SLC35E2B: variants seen among roughly 807,000 people sequenced by gnomAD.
SLC35E2B encodes the protein solute carrier family 35 member E2B, also known as solute carrier family 35, member E2B.
In SLC35E2B, 18 loss-of-function variants were observed where a neutral mutation model predicts 32.4. The observed-to-expected ratio is 0.56, with a 90% CI of 0.38 to 0.82. The LOEUF is 0.82. Among genes scored for constraint, SLC35E2B ranks in the 40% least tolerant of loss-of-function variants. The probability of loss-of-function intolerance (pLI) is 0.00; values close to 1 mark genes in which losing one functional copy is unlikely to be tolerated. For synonymous variants in SLC35E2B, 132 were observed against 209.1 expected (o/e 0.63, Z 3.18); for missense variants, 263 against 469.5 (o/e 0.56, Z 4.06).
chr1:1,679,833 A>AT lies in SLC35E2B; in HGVS notation c.-147-2988_-147-2987insA, dbSNP rs1643885049. 4.2e-5 allele frequency among the ~76,000 whole-genome samples: 6 copies of AT among 144,044 alleles called. 1 individual carries two copies. In the South Asian group the frequency reaches 1.3e-3, roughly 31 times the overall value. The allele number at this position is 144,044 out of a possible 152,430, so 94.5% of individuals were successfully genotyped here. A position where few individuals can be genotyped will look rare whatever the true frequency, so the allele number is the denominator to read the frequency against. On this transcript the variant is annotated intron_variant, in intron 2 of 9. Transcript: ENST00000617444. Reference sequence around the variant, plus strand: ...AGCAACAGAGCGAGACTCCCGTCAAAAAAAAAAAAAAAAAAAATGCTGGGC... The same window carrying AT: ...AGCAACAGAGCGAGACTCCCGTCAAATAAAAAAAAAAAAAAAAATGCTGGGC...
Position 1,665,273 on chromosome 1 carries a change from G to T in SLC35E2B, c.*509C>A, listed in dbSNP as rs1311089528. 7.3e-6 allele frequency: 2 copies of T among 272,894 alleles called. No individual in the cohort carries two copies. The highest frequency in any genetic ancestry group is 6.4e-5 in the East Asian group (1 of 15,572). The allele number at this position is 272,894 out of a possible 1,614,324, so 16.9% of individuals were successfully genotyped here. Reference sequence around the variant, plus strand: ...GAAGTTCTGAGTGCCCACCGTGGCAGCAGGAGACCCTTCCTTCCAGGGCCC... The same window carrying T: ...GAAGTTCTGAGTGCCCACCGTGGCATCAGGAGACCCTTCCTTCCAGGGCCC... On this transcript the variant is annotated 3_prime_UTR_variant, in exon 10 of 10. Transcript: ENST00000617444.
At chr1:1,679,899 G>A (rs1014763396) in intron 2 of SLC35E2B, among the ~76,000 whole-genome samples, 8 of 151,290 alleles carry the variant, frequency 5.3e-5, no homozygotes, top group East Asian at 1.9e-4. Flanking sequence ...TTGGGAGGCC[G>A]AGGAGGGTGG....
At chr1:1,680,734 G>A (rs1366207355) in intron 2 of SLC35E2B, among the ~76,000 whole-genome samples, 2 of 151,716 alleles carry the variant, frequency 1.3e-5, no homozygotes, top group Non-Finnish European at 2.9e-5. Flanking sequence ...GCCGCAGGAG[G>A]AGGCGATATC....
At chr1:1,680,108 C>G (rs927390015) in intron 2 of SLC35E2B, among the ~76,000 whole-genome samples, 1 of 151,452 alleles carries the variant, frequency 6.6e-6, no homozygotes, top group Non-Finnish European at 1.5e-5. Context: ...GCCTGGGCAA[C>G]AAGAGTGAAA....
Position 1,662,713 on chromosome 1 carries a change from T to A in SLC35E2B, c.*3069A>T, listed in dbSNP as rs1643436924. 1.3e-6 allele frequency: 1 copy of A among 748,960 alleles called. No individual in the cohort carries two copies. Among genetic ancestry groups the A allele is most frequent in the African/African-American group, 2.0e-5 (1 of 50,760 alleles). 46.4% of individuals were successfully genotyped at this position (748,960 alleles called of 1,614,324 possible). A position where few individuals can be genotyped will look rare whatever the true frequency, so the allele number is the denominator to read the frequency against. ...TTTTATGCCTTTCAGTAGGGGAAGT[T>A]TCCTTGAAAGAGAGCTGCAAATCTC... On this transcript the variant is annotated 3_prime_UTR_variant, in exon 10 of 10. Transcript: ENST00000617444.
At chr1:1,679,511 G>A (rs909088244) in intron 2 of SLC35E2B, among the ~76,000 whole-genome samples, 2 of 152,094 alleles carry the variant, frequency 1.3e-5, no homozygotes, top group Non-Finnish European at 2.9e-5. Flanking sequence ...CACTGACGCT[G>A]CCGTTCTCTG....
rs986268525 is a variant in SLC35E2B at position 1,677,578 on chromosome 1, C to T, written c.-147-732G>A. Among the ~76,000 whole-genome samples the T allele has an allele frequency of 4.4e-4, 66 of 150,946 alleles. 1 individual carries two copies. The highest frequency in any genetic ancestry group is 1.3e-3 in the African/African-American group (53 of 40,908). On this transcript the variant is annotated intron_variant, in intron 2 of 9. Transcript: ENST00000617444. ...CTGCAAGCTCCGCCTCCCGGGTTCT[C>T]GCCATTCTCCTGCCTCAGGCTCCCG...
In SLC35E2B at chr1:1,662,607, G is replaced by A. The variant is rs1379846795; in HGVS notation, c.*3175C>T. The A allele has an allele frequency of 2.3e-6, 2 of 866,740 alleles. 1 individual carries two copies. Among genetic ancestry groups the A allele is most frequent in the Non-Finnish European group, 2.8e-6 (2 of 721,836 alleles). The allele number at this position is 866,740 out of a possible 1,614,324, so 53.7% of individuals were successfully genotyped here. A position where few individuals can be genotyped will look rare whatever the true frequency, so the allele number is the denominator to read the frequency against. ...GACACATTTTGGGTTGTGCAACAGT[G>A]TTCTCATCTTTCCAGGCAGGCAGAT... is the stretch of plus-strand genomic sequence containing the variant. On this transcript the variant is annotated 3_prime_UTR_variant, in exon 10 of 10. Transcript: ENST00000617444.
At position 1,669,739 on chromosome 1, in the gene SLC35E2B, G is replaced by A; in HGVS notation, c.762-3C>T. 6.5e-7 allele frequency: 1 copy of A among 1,547,834 alleles called. No homozygotes were observed. Among genetic ancestry groups the A allele is most frequent in the Non-Finnish European group, 8.7e-7 (1 of 1,145,774 alleles). The stretch of plus-strand genomic sequence containing the variant: ...TGTAGAACTGCAGCTCCGGGGCCCT[G>A]TGGGTGACAGAACACGCTGGGCCCC... On this transcript the variant is annotated splice_polypyrimidine_tract_variant and splice_region_variant and intron_variant, in intron 7 of 9. Transcript: ENST00000617444.
At chr1:1,682,640 T>C (rs956359007) in intron 2 of SLC35E2B, among the ~76,000 whole-genome samples, 4 of 151,746 alleles carry the variant, frequency 2.6e-5, no homozygotes, top group African/African-American at 9.7e-5. Flanking sequence ...CGTGCTCCTC[T>C]CATCTCGGGG....
In SLC35E2B at chr1:1,669,688, G is replaced by T; in HGVS notation, c.810C>A (p.Leu270=). ...CCGTAAAGAAAACCCGGGCCGGGAC[G>T]AGCATGGCCACCGCAGCGGCGCTGG... ...FYTSAAAVAM[L]VPARVFFTDV... is the part of the protein sequence containing the mutation. The change falls in exon 8 of 10, where the codon CTC becomes CTA. Residue 270 remains leucine (L), a synonymous_variant. Coordinates refer to ENST00000617444, the MANE Select transcript of SLC35E2B (RefSeq NM_001290264.2). The T allele has an allele frequency of 1.3e-6, 2 of 1,531,866 alleles. No individual in the cohort carries two copies. Among genetic ancestry groups the T allele is most frequent in the Non-Finnish European group, 1.8e-6 (2 of 1,132,320 alleles). The allele number at this position is 1,531,866 out of a possible 1,614,324, so 94.9% of individuals were successfully genotyped here.
Position 1,665,499 on chromosome 1 carries a change from A to AC in SLC35E2B, c.*282dup. On this transcript the variant is annotated 3_prime_UTR_variant, in exon 10 of 10. Coordinates refer to ENST00000617444, the MANE Select transcript of SLC35E2B (RefSeq NM_001290264.2). ...GGTGTCGCCCAGAGAGGAAGTGGGC[A>AC]CCCCCAGCATGGGAGCCTCAGAGGC... 1 of 563,636 alleles carries AC rather than the reference A, an allele frequency of 1.8e-6. No homozygotes were observed. Among genetic ancestry groups the AC allele is most frequent in the Non-Finnish European group, 3.1e-6 (1 of 323,206 alleles). The allele number at this position is 563,636 out of a possible 1,614,324, so 34.9% of individuals were successfully genotyped here.
chr1:1,687,190 A>G lies in SLC35E2B; in HGVS notation c.-148+3786T>C, dbSNP rs377525600. Reference sequence around the variant, plus strand: ...ATGGGCGGACGGGCGACACGCACGCACACACACACCCCAACACAGCACATC... The same window carrying G: ...ATGGGCGGACGGGCGACACGCACGCGCACACACACCCCAACACAGCACATC... On this transcript the variant is annotated intron_variant, in intron 2 of 9. Transcript: ENST00000617444. Among the ~76,000 whole-genome samples, 58 of 152,322 alleles carry G rather than the reference A, an allele frequency of 3.8e-4. 1 individual carries two copies. The East Asian group carries it at 0.01, about 27-fold the overall frequency.
rs1352667643 is a variant in SLC35E2B, at chr1:1,674,624, TAAAAAAAACAAAAA to T, written c.586+825_586+838del. Among the ~76,000 whole-genome samples the T allele has an allele frequency of 3.8e-3, 288 of 76,392 alleles. 2 individuals carry two copies. The highest frequency in any genetic ancestry group is 0.01 in the African/African-American group (267 of 25,920). The allele number at this position is 76,392 out of a possible 152,430, so 50.1% of individuals were successfully genotyped here. A position where few individuals can be genotyped will look rare whatever the true frequency, so the allele number is the denominator to read the frequency against. Reference sequence around the variant, plus strand: ...AGAGCAAGACCCTGTCTCAAAAACATAAAAAAAACAAAAAAAAAAAAACAAAAAAAAACCAGAGT... The same window carrying T: ...AGAGCAAGACCCTGTCTCAAAAACATAAAAAAAACAAAAAAAAACCAGAGT... On this transcript the variant is annotated intron_variant, in intron 5 of 9. Coordinates refer to ENST00000617444, the MANE Select transcript of SLC35E2B (RefSeq NM_001290264.2).
In SLC35E2B at chr1:1,665,721, C is replaced by T. The variant is rs1643524515; in HGVS notation, c.*61G>A. On this transcript the variant is annotated 3_prime_UTR_variant, in exon 10 of 10. Transcript: ENST00000617444. The stretch of plus-strand genomic sequence containing the variant: ...CAGCAGGGCCATGGAGGAGGGCGTC[C>T]CTGCCCATTTCTGGGGGATGCAGTG... 6.5e-7 allele frequency: 1 copy of T among 1,532,702 alleles called. No homozygotes were observed. Among genetic ancestry groups the T allele is most frequent in the African/African-American group, 1.4e-5 (1 of 72,712 alleles). 94.9% of individuals were successfully genotyped at this position (1,532,702 alleles called of 1,614,324 possible). A position where few individuals can be genotyped will look rare whatever the true frequency, so the allele number is the denominator to read the frequency against.
intron 2 of SLC35E2B, among the ~76,000 whole-genome samples, chr1:1,678,984 G>T: frequency 6.6e-6 from 1 of 152,178 alleles, no homozygotes; most frequent in East Asian, 1.9e-4. Context: ...GGCTCCGCAA[G>T]GCAGGGGTGG....
chr1:1,669,459 C>G (rs1643628279), intron 8 of SLC35E2B, among the ~76,000 whole-genome samples: 1 of 151,924 alleles, frequency 6.6e-6, no homozygotes, highest in Non-Finnish European at 1.5e-5. Context: ...AACAAACAAA[C>G]AATAAACAAA....
intron 2 of SLC35E2B, among the ~76,000 whole-genome samples, chr1:1,683,936 TG>T (rs1643922206): frequency 6.6e-6 from 1 of 152,136 alleles, no homozygotes; most frequent in African/African-American, 2.4e-5. Flanking sequence ...CAGGTGCAGG[TG>T]CCTGTTCAGA....
Position 1,679,663 on chromosome 1 carries a change from C to T in SLC35E2B, c.-147-2817G>A, listed in dbSNP as rs1371892910. ...CAAACACAGCAAAACCCCGTCTCTA[C>T]TAAAAGTACAAAAAAAAAATCAGCC... On this transcript the variant is annotated intron_variant, in intron 2 of 9. Transcript: ENST00000617444. Among the ~76,000 whole-genome samples the T allele has an allele frequency of 7.3e-5, 11 of 150,260 alleles. 2 individuals carry two copies.
Sources: gnomAD v4.1 joint callset for allele counts (sites outside exome capture counted in the v4.1 genomes callset) on GRCh38, gnomAD v4.1.1 for gene constraint, MANE v1.5 for transcripts, NCBI Gene and HGNC (gene_info 2026-07-23, HGNC 2026-07-21) for gene names.